CALN1: variants seen among roughly 807,000 people sequenced by gnomAD.
CALN1 encodes calcium-binding protein 8.
A neutral mutation model predicts 30.6 loss-of-function variants in CALN1; 17 were observed. The ratio of observed to expected loss-of-function variants is 0.56; its 90% CI spans 0.38 to 0.83. The LOEUF is 0.83. CALN1 is among the 40% of genes least tolerant of loss of function. The pLI, the probability that CALN1 is intolerant of heterozygous loss-of-function variation, is 0.00. For missense variants in CALN1, 291 were observed against 354.9 expected (o/e 0.82, Z 1.45); for synonymous variants, 156 against 131.4 (o/e 1.19, Z -1.28).
At chr7:72,205,299 C>A (rs1260173078) in intron 3 of CALN1, among the ~76,000 whole-genome samples, 1 of 151,480 alleles carries the variant, frequency 6.6e-6, no homozygotes, top group Admixed American at 6.6e-5. Flanking sequence ...GCCTCCCAGG[C>A]TCAAGCATCT....
intron 3 of CALN1, among the ~76,000 whole-genome samples, chr7:72,113,691 C>G (rs1807736009): frequency 6.6e-6 from 1 of 152,210 alleles, no homozygotes; most frequent in Non-Finnish European, 1.5e-5. Flanking sequence ...TGTCTATTTT[C>G]TCCTGTTTTT....
At chr7:72,236,968 ACTT>A (rs976032538) in intron 3 of CALN1, among the ~76,000 whole-genome samples, 10 of 150,250 alleles carry the variant, frequency 6.7e-5, no homozygotes, top group Non-Finnish European at 1.5e-4. Flanking sequence ...CTAGTTGGGA[ACTT>A]TTTTTTTTCT....
chr7:71,813,930 CAAAAAAAA>C (rs540550294), intron 5 of CALN1, among the ~76,000 whole-genome samples: 1 of 68,570 alleles, frequency 1.5e-5, no homozygotes, highest in Non-Finnish European at 3.2e-5. Flanking sequence ...GACTCTGTTG[CAAAAAAAA>C]AAAAAAAAAA....
rs1244293140 is a variant in CALN1 at position 72,146,331 on chromosome 7, G to GACAA, written c.245-40038_245-40037insTTGT. Among the ~76,000 whole-genome samples, 17 of 151,068 alleles carry GACAA rather than the reference G, an allele frequency of 1.1e-4. No homozygotes were observed. The East Asian group carries it at 2.9e-3, about 26-fold the overall frequency. On this transcript the variant is annotated intron_variant, in intron 3 of 6. Coordinates refer to ENST00000395275, the MANE Select transcript of CALN1 (RefSeq NM_031468.4). ...CAAGCATGCTTATACACCAATAACA[G>GACAA]ACAGAGAGCCAAATCATGAGTGAAC...
the CALN1 span, among the ~76,000 whole-genome samples, chr7:72,478,899 T>TTTTTTTTTTTTTTTTA: frequency 6.6e-6 from 1 of 150,958 alleles, no homozygotes; most frequent in Non-Finnish European, 1.5e-5. Context: ...TTTTTTTTTT[T>TTTTTTTTTTTTTTTTA]GAGATGAAGT....
chr7:72,308,715 T>C (rs1799835810), intron 2 of CALN1, among the ~76,000 whole-genome samples: 1 of 152,152 alleles, frequency 6.6e-6, no homozygotes, highest in Non-Finnish European at 1.5e-5. Flanking sequence ...GCCTTTTTGC[T>C]TCTCCTGTCA....
intron 4 of CALN1, among the ~76,000 whole-genome samples, chr7:72,036,856 T>A (rs1031365281): frequency 1.3e-5 from 2 of 152,136 alleles, no homozygotes; most frequent in African/African-American, 4.8e-5. Flanking sequence ...CTTTGTGATT[T>A]TTTTTTTGCT....
intron 1 of CALN1, among the ~76,000 whole-genome samples, chr7:72,405,763 C>T (rs1473686123): frequency 6.6e-6 from 1 of 152,076 alleles, no homozygotes; most frequent in Non-Finnish European, 1.5e-5. Context: ...TTTTAGTTGC[C>T]ATGGCAGTCC....
Position 71,847,743 on chromosome 7 carries a change from G to GAAGA in CALN1, c.502-37255_502-37252dup, listed in dbSNP as rs1386376397. On this transcript the variant is annotated intron_variant, in intron 5 of 6. Transcript: ENST00000395275. ...AGAAGAAGAAAGAAGAAAGAAGAAA[G>GAAGA]AAGAAGAAAGAAGAAAGAAGAAGAA... 4.4e-4 allele frequency among the ~76,000 whole-genome samples: 42 copies of GAAGA among 94,588 alleles called. 1 individual carries two copies. The East Asian group carries it at 0.01, about 23-fold the overall frequency. The allele number at this position is 94,588 out of a possible 152,430, so 62.1% of individuals were successfully genotyped here.
chr7:72,041,686 A>G (rs796247893), intron 4 of CALN1, among the ~76,000 whole-genome samples: 4 of 152,186 alleles, frequency 2.6e-5, no homozygotes, highest in African/African-American at 9.6e-5. Flanking sequence ...ACCTGGCGCA[A>G]ATCTCATCTT....
intron 5 of CALN1, among the ~76,000 whole-genome samples, chr7:72,004,230 A>G (rs1799660850): frequency 6.6e-6 from 1 of 152,210 alleles, no homozygotes; most frequent in Non-Finnish European, 1.5e-5. Flanking sequence ...ATACACCCAC[A>G]TAAATATGCC....
In CALN1 at chr7:72,412,237, G is replaced by A. The variant is rs992688737; in HGVS notation, c.-253C>T. 6.6e-6 allele frequency: 1 copy of A among 152,248 alleles called. No individual in the cohort carries two copies. Among genetic ancestry groups the A allele is most frequent in the Non-Finnish European group, 1.5e-5 (1 of 68,076 alleles). The allele number at this position is 152,248 out of a possible 1,614,324, so 9.4% of individuals were successfully genotyped here. A position where few individuals can be genotyped will look rare whatever the true frequency, so the allele number is the denominator to read the frequency against. On this transcript the variant is annotated 5_prime_UTR_variant, in exon 1 of 7. Coordinates refer to ENST00000395275, the MANE Select transcript of CALN1 (RefSeq NM_031468.4). ...GAACGAAGACGCAGACCGCGGCCGT[G>A]AGCTTTAAAGGTGGCGCGGACCCAG...
At chr7:72,165,751 C>A (rs747573218) in intron 3 of CALN1, among the ~76,000 whole-genome samples, 7 of 151,954 alleles carry the variant, frequency 4.6e-5, no homozygotes, top group Non-Finnish European at 1.0e-4. Context: ...TGAGGGCTGT[C>A]TCCTTGAGGA....
intron 2 of CALN1, among the ~76,000 whole-genome samples, chr7:72,300,423 A>G (rs1413781878): frequency 4.0e-5 from 6 of 151,714 alleles, no homozygotes; most frequent in African/African-American, 1.2e-4. Flanking sequence ...AACAACAAAA[A>G]AGATAAAAAC....
At chr7:72,406,232 G>C (rs1288737221) in intron 1 of CALN1, among the ~76,000 whole-genome samples, 1 of 152,326 alleles carries the variant, frequency 6.6e-6, no homozygotes, top group Middle Eastern at 3.4e-3. Context: ...CCCTGCACAA[G>C]CCGGACTAAC....
At chr7:72,479,785 G>T in the CALN1 span, among the ~76,000 whole-genome samples, 1 of 151,942 alleles carries the variant, frequency 6.6e-6, no homozygotes, top group Non-Finnish European at 1.5e-5. Context: ...TCCTGACCTC[G>T]GAAGATTCAC....
At chr7:72,279,912 G>C (rs1359317208) in intron 2 of CALN1, among the ~76,000 whole-genome samples, 1 of 152,208 alleles carries the variant, frequency 6.6e-6, no homozygotes, top group South Asian at 2.1e-4. Context: ...CAATCACAAG[G>C]AGTGGGTAGA....
At chr7:72,176,190 T>A (rs958479761) in intron 3 of CALN1, among the ~76,000 whole-genome samples, 8 of 152,108 alleles carry the variant, frequency 5.3e-5, no homozygotes, top group African/African-American at 1.9e-4. Context: ...TAAACCTGTC[T>A]TTGACTGTTA....
chr7:72,309,949 G>A lies in CALN1; in HGVS notation c.120-31139C>T, dbSNP rs556949032. 2.0e-5 allele frequency among the ~76,000 whole-genome samples: 3 copies of A among 152,262 alleles called. No individual in the cohort carries two copies. The East Asian group carries it at 5.8e-4, about 29-fold the overall frequency. On this transcript the variant is annotated intron_variant, in intron 2 of 6. Coordinates refer to ENST00000395275, the MANE Select transcript of CALN1 (RefSeq NM_031468.4). ...ACTCCGATGCCCTCCAAGGGGCCCT[G>A]CCAGCATTCTCTTCCCTGAGCACTG...
Sources: gnomAD v4.1 joint callset for allele counts (sites outside exome capture counted in the v4.1 genomes callset) on GRCh38, gnomAD v4.1.1 for gene constraint, MANE v1.5 for transcripts, NCBI Gene and HGNC (gene_info 2026-07-23, HGNC 2026-07-21) for gene names.